The following KCNC4 variants were observed in gnomAD, a reference collection of about 807,000 sequenced individuals.
The protein encoded by KCNC4 is potassium voltage-gated channel subfamily C member 4.
KCNC4 carries 23 observed loss-of-function variants against 42.8 expected under a neutral mutation model. The ratio of observed to expected loss-of-function variants is 0.54; its 90% CI spans 0.39 to 0.76. The LOEUF is 0.76. Ranked by LOEUF, KCNC4 falls within the 30% of genes least tolerant of loss-of-function variation. KCNC4 has a pLI of 0.00. For synonymous variants in KCNC4, 422 were observed against 393.5 expected (o/e 1.07, Z -0.86); for missense variants, 751 against 898.2 (o/e 0.84, Z 2.10).
chr1:110,256,383 C>T (rs115091444), intron 1 of KCNC4, among the ~76,000 whole-genome samples: 76 of 152,240 alleles, frequency 5.0e-4, no homozygotes, highest in African/African-American at 1.7e-3. Flanking sequence ...TTACTGTGAC[C>T]CTCACACTTC....
intron 1 of KCNC4, among the ~76,000 whole-genome samples, chr1:110,279,192 A>G (rs1659779476): frequency 6.6e-6 from 1 of 152,194 alleles, no homozygotes; most frequent in African/African-American, 2.4e-5. Context: ...TAATCATCAC[A>G]AAACCTTTCC....
At position 110,282,804 on chromosome 1, in the gene KCNC4, A is replaced by G. The variant is rs560200172; in HGVS notation, n.151+150A>G. 2.9e-3 allele frequency: 449 copies of G among 152,384 alleles called. 3 individuals are homozygous for G. The highest frequency in any genetic ancestry group is 0.01 in the African/African-American group (416 of 41,592). The allele number at this position is 152,384 out of a possible 1,614,324, so 9.4% of individuals were successfully genotyped here. A position where few individuals can be genotyped will look rare whatever the true frequency, so the allele number is the denominator to read the frequency against. On this transcript the variant is annotated intron_variant and non_coding_transcript_variant, in intron 2 of 2. Transcript: ENST00000412512. ...TCAGGTTCAAGAACCATTGACTTAC[A>G]GTCACTAAATCCCTAAGAGACTGAT...
At chr1:110,215,876 GCTCCTC>G (rs1410711129) in intron 1 of KCNC4, among the ~76,000 whole-genome samples, 1 of 152,230 alleles carries the variant, frequency 6.6e-6, no homozygotes, top group Admixed American at 6.5e-5. Flanking sequence ...CTAAGTCTGT[GCTCCTC>G]CTATGGCCTC....
intron 1 of KCNC4, among the ~76,000 whole-genome samples, chr1:110,277,532 T>A (rs2101091696): frequency 6.6e-6 from 1 of 152,344 alleles, no homozygotes; most frequent in Non-Finnish European, 1.5e-5. Flanking sequence ...CTTCCTTCAA[T>A]ACCAAGATCT....
intron 1 of KCNC4, among the ~76,000 whole-genome samples, chr1:110,260,878 C>A (rs892788269): frequency 6.6e-6 from 1 of 152,086 alleles, no homozygotes; most frequent in African/African-American, 2.4e-5. Context: ...TGCAGTGAGC[C>A]GAGATCGCGC....
At chr1:110,254,646 C>T (rs528204798) in intron 1 of KCNC4, among the ~76,000 whole-genome samples, 19 of 152,308 alleles carry the variant, frequency 1.2e-4, no homozygotes, top group Admixed American at 7.8e-4. Context: ...GCAGTGATTA[C>T]GGGAACAAGG....
chr1:110,262,737 G>A (rs1659476875), intron 1 of KCNC4, among the ~76,000 whole-genome samples: 1 of 152,150 alleles, frequency 6.6e-6, no homozygotes, highest in Non-Finnish European at 1.5e-5. Flanking sequence ...ACTAAGTGGA[G>A]GTCTAGATTT....
At chr1:110,238,399 CTT>C (rs1557867227), downstream of KCNC4, 1 of 152,238 alleles carries the variant, frequency 6.6e-6, no homozygotes, top group African/African-American at 2.4e-5. Flanking sequence ...CTCACATACT[CTT>C]TCCTGGGTGA....
intron 1 of KCNC4, among the ~76,000 whole-genome samples, chr1:110,273,902 A>C (rs1659675451): frequency 6.6e-6 from 1 of 152,226 alleles, no homozygotes; most frequent in Non-Finnish European, 1.5e-5. Context: ...GAGAGGTCTC[A>C]AAACACTCCC....
chr1:110,282,793 C>A (rs917153556), intron 2 of KCNC4: 3 of 152,144 alleles, frequency 2.0e-5, no homozygotes, highest in Non-Finnish European at 4.4e-5. Flanking sequence ...GTTCAAGAAC[C>A]ATTGACTTAC....
intron 1 of KCNC4, among the ~76,000 whole-genome samples, chr1:110,270,398 T>G (rs1659615806): frequency 6.6e-6 from 1 of 152,134 alleles, no homozygotes; most frequent in African/African-American, 2.4e-5. Context: ...GGAACAGCCA[T>G]GAAAAACAGT....
chr1:110,227,826 C>T (rs1303697651), intron 3 of KCNC4, among the ~76,000 whole-genome samples: 1 of 152,140 alleles, frequency 6.6e-6, no homozygotes, highest in Non-Finnish European at 1.5e-5. Context: ...GGAGGGACCA[C>T]GAGGTACTGG....
At chr1:110,271,566 A>G (rs149764459) in intron 1 of KCNC4, among the ~76,000 whole-genome samples, 1 of 152,330 alleles carries the variant, frequency 6.6e-6, no homozygotes, top group East Asian at 1.9e-4. Context: ...TCCTATCCCA[A>G]ATACCTGCAC....
intron 1 of KCNC4, among the ~76,000 whole-genome samples, chr1:110,268,486 G>GTGCCAGCT (rs1659581957): frequency 6.6e-6 from 1 of 151,612 alleles, no homozygotes; most frequent in Non-Finnish European, 1.5e-5. Flanking sequence ...GGCGCCTGTA[G>GTGCCAGCT]TGCCAGCTAC....
At chr1:110,242,254 C>CA (rs796768951) in exon 4 of KCNC4, 10 of 151,774 alleles carry the variant, frequency 6.6e-5, no homozygotes, top group African/African-American at 2.4e-4. Flanking sequence ...CTTGGAACAG[C>CA]GGGGGGGGCT....
At chr1:110,213,693 C>T (rs1031048833) in intron 1 of KCNC4, among the ~76,000 whole-genome samples, 10 of 152,230 alleles carry the variant, frequency 6.6e-5, no homozygotes, top group Non-Finnish European at 1.2e-4. Context: ...AGCCCTGAGA[C>T]TGGCTAAGAA....
At chr1:110,234,705 A>G (rs1309937971), downstream of KCNC4, 1 of 152,220 alleles carries the variant, frequency 6.6e-6, no homozygotes, top group African/African-American at 2.4e-5. Flanking sequence ...TGTCACCATC[A>G]TGAAATTAAT....
chr1:110,226,035 C>G lies in KCNC4; in HGVS notation c.1676C>G (p.Thr559Ser). 1.9e-6 allele frequency: 3 copies of G among 1,613,752 alleles called. No individual in the cohort carries two copies. The highest frequency in any genetic ancestry group is 2.5e-6 in the Non-Finnish European group (3 of 1,179,786). ...VLSDEEGAGL[T>S]QPLASSPTPE... The stretch of plus-strand genomic sequence containing the variant: ...TCTGATGAGGAGGGAGCTGGCCTCA[C>G]CCAACCCCTGGCCTCCTCCCCGACC... The change falls in exon 3 of 4, where the codon ACC becomes AGC. Residue 559 changes from threonine (T) to serine (S), a missense_variant. Physicochemically the swap from Thr to Ser is moderately conservative, Grantham distance 58. Around this residue, in one of 4 missense-constraint regions of KCNC4, gnomAD observed 202 missense variants for 181.5 expected, o/e 1.11. Coordinates refer to ENST00000438661, the MANE Select transcript of KCNC4 (RefSeq NM_001039574.3).
intron 3 of KCNC4, chr1:110,232,559 G>C (rs909133392): frequency 2.1e-5 from 30 of 1,434,626 alleles, no homozygotes; most frequent in Non-Finnish European, 2.7e-5. Flanking sequence ...GAAGACCTAA[G>C]AGGCTAGTGG....
Sources: gnomAD v4.1 joint callset for allele counts (sites outside exome capture counted in the v4.1 genomes callset) on GRCh38, gnomAD v4.1.1 for gene constraint, gnomAD v4.1.1 regional missense constraint, MANE v1.5 for transcripts, NCBI Gene and HGNC (gene_info 2026-07-23, HGNC 2026-07-21) for gene names.